The following TRAPPC10 variants were observed in gnomAD, a reference collection of about 807,000 sequenced individuals.
TRAPPC10 encodes the protein trafficking protein particle complex subunit 10.
Under a neutral mutation model 125.5 loss-of-function variants are expected in TRAPPC10, and 23 were observed. The observed-to-expected ratio is 0.18, with a 90% CI of 0.13 to 0.26. The LOEUF (loss-of-function observed/expected upper bound fraction) is 0.26. Among genes scored for constraint, TRAPPC10 ranks in the 10% least tolerant of loss-of-function variants. The pLI is 1.00. For synonymous variants in TRAPPC10, 509 were observed against 518.0 expected (o/e 0.98, Z 0.24); for missense variants, 1,123 against 1,308.4 (o/e 0.86, Z 2.19).
rs1402608923 is a variant in TRAPPC10 at position 44,059,430 on chromosome 21, A to C, written c.790+216A>C. ...CACTTTTAGAAGAATCTTAAGTAAC[A>C]AAAATAATAATAATTTAAAAAAACT... On this transcript the variant is annotated intron_variant, in intron 6 of 22. Coordinates refer to ENST00000291574, the MANE Select transcript of TRAPPC10 (RefSeq NM_003274.5). The surrounding 1 kb of genome is among the most constrained non-coding windows in gnomAD (Gnocchi z 4.4). The C allele has an allele frequency of 2.8e-6, 2 of 704,568 alleles. No homozygotes were observed. The highest frequency in any genetic ancestry group is 1.8e-5 in the African/African-American group (1 of 55,998). 43.6% of individuals were successfully genotyped at this position (704,568 alleles called of 1,614,324 possible).
At chr21:44,057,767 C>T (rs951843983) in intron 5 of TRAPPC10, among the ~76,000 whole-genome samples, 3 of 152,136 alleles carry the variant, frequency 2.0e-5, no homozygotes, top group East Asian at 1.9e-4. Context: ...ACTGTTTTCA[C>T]GGGAAACAGG....
At chr21:44,081,778 C>G (rs1432734809) in intron 13 of TRAPPC10, among the ~76,000 whole-genome samples, 2 of 152,146 alleles carry the variant, frequency 1.3e-5, no homozygotes, top group African/African-American at 4.8e-5. Context: ...ACCCAGGAGG[C>G]TGAGGTAGGA....
chr21:44,094,918 C>T (rs1569228700), intron 20 of TRAPPC10, among the ~76,000 whole-genome samples: 1 of 151,754 alleles, frequency 6.6e-6, no homozygotes, highest in Non-Finnish European at 1.5e-5. Flanking sequence ...CCATCCAAGA[C>T]AAATTGTTTT....
chr21:44,054,825 C>T (rs1020951589), intron 4 of TRAPPC10, among the ~76,000 whole-genome samples: 9 of 152,180 alleles, frequency 5.9e-5, no homozygotes, highest in African/African-American at 2.2e-4. Flanking sequence ...GAGTGTTTTC[C>T]TGTGAGGCCC....
intron 7 of TRAPPC10, among the ~76,000 whole-genome samples, chr21:44,073,378 A>G (rs1462993176): frequency 6.6e-6 from 1 of 152,218 alleles, no homozygotes; most frequent in Non-Finnish European, 1.5e-5. Context: ...TCATGAAGTC[A>G]GTGCCACCAG....
At chr21:44,031,546 G>A (rs2033583008) in intron 1 of TRAPPC10, among the ~76,000 whole-genome samples, 1 of 152,198 alleles carries the variant, frequency 6.6e-6, no homozygotes, top group Non-Finnish European at 1.5e-5. Context: ...TGTGAATTGG[G>A]GTCGTGTTTG....
chr21:44,079,275 A>T (rs2037503394), intron 11 of TRAPPC10, among the ~76,000 whole-genome samples: 1 of 152,138 alleles, frequency 6.6e-6, no homozygotes, highest in African/African-American at 2.4e-5. Context: ...TTATCCTGAG[A>T]TTCAGCTATG....
intron 4 of TRAPPC10, among the ~76,000 whole-genome samples, chr21:44,054,554 T>C (rs2035436813): frequency 6.6e-6 from 1 of 152,224 alleles, no homozygotes; most frequent in African/African-American, 2.4e-5. Context: ...TAATCATCTT[T>C]CTAGATTACT....
In TRAPPC10 at chr21:44,040,077, C is replaced by G. The variant is rs138657251; in HGVS notation, c.285+2150C>G. On this transcript the variant is annotated intron_variant, in intron 3 of 22. Transcript: ENST00000291574. ...ACTGAGAACAGCTCCAAATTTGCAA[C>G]TAAACTTTTCCTTTTGGACAGTATG... is the stretch of plus-strand genomic sequence containing the variant. Among the ~76,000 whole-genome samples the G allele has an allele frequency of 5.9e-3, 903 of 152,342 alleles. 43 individuals carry two copies. Among genetic ancestry groups the G allele is most frequent in the Admixed American group, 0.05 (762 of 15,302 alleles).
intron 20 of TRAPPC10, among the ~76,000 whole-genome samples, chr21:44,094,917 A>G (rs2038823723): frequency 6.6e-6 from 1 of 151,954 alleles, no homozygotes; most frequent in African/African-American, 2.4e-5. Context: ...TCCATCCAAG[A>G]CAAATTGTTT....
intron 5 of TRAPPC10, among the ~76,000 whole-genome samples, chr21:44,058,313 G>A (rs1025551556): frequency 6.6e-6 from 1 of 151,920 alleles, no homozygotes; most frequent in African/African-American, 2.4e-5. Context: ...CACAGGTCCC[G>A]AGGCAGCTCC....
intron 6 of TRAPPC10, among the ~76,000 whole-genome samples, chr21:44,060,915 T>TACATACAGACAC (rs60633801): frequency 6.8e-5 from 9 of 132,192 alleles, no homozygotes; most frequent in Non-Finnish European, 1.3e-4. Context: ...CATACATACA[T>TACATACAGACAC]ACACACACAC....
At chr21:44,074,583 TC>T in intron 8 of TRAPPC10, 113 bp downstream of exon 8, 1 of 1,391,658 alleles carries the variant, frequency 7.2e-7, no homozygotes, top group Non-Finnish European at 9.9e-7. Context: ...TCACGATGCA[TC>T]CACTTTAGTG....
At chr21:44,017,687 C>T (rs2032023528) in intron 1 of TRAPPC10, among the ~76,000 whole-genome samples, 1 of 151,176 alleles carries the variant, frequency 6.6e-6, no homozygotes, top group South Asian at 2.1e-4. Flanking sequence ...TGCGGGAGCT[C>T]TGTGGCACCT....
chr21:44,031,399 A>G (rs1199830487), intron 1 of TRAPPC10, among the ~76,000 whole-genome samples: 1 of 152,204 alleles, frequency 6.6e-6, no homozygotes, highest in Non-Finnish European at 1.5e-5. Flanking sequence ...TTTCATTTCT[A>G]TTAAAGCAAA....
intron 13 of TRAPPC10, among the ~76,000 whole-genome samples, chr21:44,081,005 C>CTT (rs71326026): frequency 8.7e-5 from 9 of 103,900 alleles, no homozygotes; most frequent in East Asian, 8.2e-4. Context: ...TATTATTGTT[C>CTT]TTTTTTTTTT....
rs571976156 is a variant in TRAPPC10 at position 44,064,407 on chromosome 21, C to T, written c.1038+622C>T. Among the ~76,000 whole-genome samples, 151 of 152,212 alleles carry T rather than the reference C, an allele frequency of 9.9e-4. 5 individuals are homozygous for T. The South Asian group carries it at 0.031, about 32-fold the overall frequency. On this transcript the variant is annotated intron_variant, in intron 7 of 22. Coordinates refer to ENST00000291574, the MANE Select transcript of TRAPPC10 (RefSeq NM_003274.5). ...AATTCACCCAAGCACTGAACTCTTA[C>T]TGTCCATAGAACCACGGACATTGTA...
chr21:44,061,796 A>G (rs1054148357), intron 6 of TRAPPC10, among the ~76,000 whole-genome samples: 3 of 152,338 alleles, frequency 2.0e-5, no homozygotes, highest in Middle Eastern at 3.4e-3. Flanking sequence ...GAAATCTAAA[A>G]CTGCCAATCA....
intron 3 of TRAPPC10, among the ~76,000 whole-genome samples, chr21:44,042,415 T>G (rs1020165094): frequency 2.0e-5 from 3 of 152,156 alleles, no homozygotes; most frequent in African/African-American, 7.2e-5. Context: ...GCTTTTTAGC[T>G]TACAGAAAAA....
Sources: gnomAD v4.1 joint callset for allele counts (sites outside exome capture counted in the v4.1 genomes callset) on GRCh38, gnomAD v4.1.1 for gene constraint, Gnocchi (gnomAD v3.1) non-coding constraint, MANE v1.5 for transcripts, NCBI Gene and HGNC (gene_info 2026-07-23, HGNC 2026-07-21) for gene names.